The following RAP1GAP2 variants were observed in gnomAD, a reference collection of about 807,000 sequenced individuals.
RAP1GAP2 encodes RAP1 GTPase activating protein 2.
RAP1GAP2 carries 27 observed loss-of-function variants against 95.0 expected under a neutral mutation model. That is an observed-to-expected ratio of 0.28 (90% CI 0.21 to 0.39). The LOEUF (loss-of-function observed/expected upper bound fraction) is 0.39. Ranked by LOEUF, RAP1GAP2 falls within the 10% of genes least tolerant of loss-of-function variation. The pLI, the probability that RAP1GAP2 is intolerant of heterozygous loss-of-function variation, is 1.00. For missense variants in RAP1GAP2, 771 were observed against 970.0 expected (o/e 0.79, Z 2.72); for synonymous variants, 373 against 380.9 (o/e 0.98, Z 0.24).
intron 3 of RAP1GAP2, among the ~76,000 whole-genome samples, chr17:2,918,254 T>C (rs1231930263): frequency 6.6e-6 from 1 of 151,004 alleles, no homozygotes; most frequent in African/African-American, 2.5e-5. Flanking sequence ...GCCAATATGG[T>C]GAAACCTGTT....
At chr17:2,924,625 C>T (rs1029293670) in intron 3 of RAP1GAP2, among the ~76,000 whole-genome samples, 9 of 150,524 alleles carry the variant, frequency 6.0e-5, no homozygotes, top group Non-Finnish European at 1.2e-4. Flanking sequence ...AGGGGGAAAG[C>T]GAATGAGATG....
intron 2 of RAP1GAP2, among the ~76,000 whole-genome samples, chr17:2,821,965 C>T (rs1199324970): frequency 2.0e-5 from 3 of 152,118 alleles, no homozygotes; most frequent in African/African-American, 7.2e-5. Context: ...TCCCTGGACC[C>T]CCAGGCCAGA....
intron 3 of RAP1GAP2, among the ~76,000 whole-genome samples, chr17:2,940,092 G>A (rs2043439141): frequency 6.6e-6 from 1 of 152,210 alleles, no homozygotes; most frequent in African/African-American, 2.4e-5. Context: ...AGTGTCCCTG[G>A]GCTGTGGAGG....
intron 8 of RAP1GAP2, among the ~76,000 whole-genome samples, chr17:2,967,113 A>G (rs563304578): frequency 6.6e-6 from 1 of 152,334 alleles, no homozygotes; most frequent in East Asian, 1.9e-4. Flanking sequence ...TCACGCCTGT[A>G]ATCCCAGGAC....
intron 1 of RAP1GAP2, among the ~76,000 whole-genome samples, chr17:2,761,490 G>A (rs555130459): frequency 3.4e-4 from 51 of 151,748 alleles, no homozygotes; most frequent in Admixed American, 4.6e-4. Context: ...GTTTCTCCAC[G>A]TTGGCCAGGC....
chr17:2,844,139 G>A (rs2071483062), intron 2 of RAP1GAP2, among the ~76,000 whole-genome samples: 1 of 152,020 alleles, frequency 6.6e-6, no homozygotes, highest in African/African-American at 2.4e-5. Flanking sequence ...TCCTGCCTCA[G>A]CCTCCGGAGT....
intron 1 of RAP1GAP2, among the ~76,000 whole-genome samples, chr17:2,765,634 T>G (rs1179883852): frequency 6.6e-6 from 1 of 151,814 alleles, no homozygotes; most frequent in Non-Finnish European, 1.5e-5. Flanking sequence ...TCCCAGCTAC[T>G]TGGGAGGCTG....
chr17:2,926,850 C>CA (rs1018851563), intron 3 of RAP1GAP2, among the ~76,000 whole-genome samples: 31 of 151,454 alleles, frequency 2.0e-4, no homozygotes, highest in Non-Finnish European at 2.9e-4. Flanking sequence ...ACTAAAAATA[C>CA]AAAAAATACT....
At chr17:2,788,688 T>C (rs1055041249) in intron 1 of RAP1GAP2, among the ~76,000 whole-genome samples, 1 of 152,210 alleles carries the variant, frequency 6.6e-6, no homozygotes, top group Non-Finnish European at 1.5e-5. Flanking sequence ...GCTGGTGGTA[T>C]GTTCTAGTCC....
At chr17:3,011,988 C>T (rs530042711) in intron 17 of RAP1GAP2, among the ~76,000 whole-genome samples, 1 of 152,280 alleles carries the variant, frequency 6.6e-6, no homozygotes, top group South Asian at 2.1e-4. Context: ...AAAGCCATCT[C>T]AGCCATCCAT....
intron 1 of RAP1GAP2, among the ~76,000 whole-genome samples, chr17:2,779,950 G>A (rs2068600831): frequency 6.6e-6 from 1 of 151,996 alleles, no homozygotes; most frequent in Non-Finnish European, 1.5e-5. Flanking sequence ...GGGATGAGGT[G>A]GCAGGAAGGA....
At chr17:2,757,711 C>T (rs2071171953) in intron 1 of RAP1GAP2, among the ~76,000 whole-genome samples, 1 of 152,078 alleles carries the variant, frequency 6.6e-6, no homozygotes, top group African/African-American at 2.4e-5. Flanking sequence ...AGGACCACCC[C>T]AGCACCCCAG....
chr17:2,989,342 CT>C (rs887320041), intron 11 of RAP1GAP2, among the ~76,000 whole-genome samples: 2 of 151,736 alleles, frequency 1.3e-5, no homozygotes, highest in Non-Finnish European at 2.9e-5. Flanking sequence ...CTGTTCATGT[CT>C]TTTTTTTGAG....
At chr17:2,828,635 C>T (rs548207948) in intron 2 of RAP1GAP2, among the ~76,000 whole-genome samples, 2 of 152,166 alleles carry the variant, frequency 1.3e-5, no homozygotes, top group South Asian at 2.1e-4. Flanking sequence ...CAGGACTGCC[C>T]GGGCATGGCT....
At chr17:2,836,632 A>AAAAAC (rs139693633) in intron 2 of RAP1GAP2, among the ~76,000 whole-genome samples, 22 of 151,946 alleles carry the variant, frequency 1.4e-4, no homozygotes, top group African/African-American at 2.2e-4. Context: ...ACTCAGTCTC[A>AAAAAC]AAAACAAAAC....
intron 11 of RAP1GAP2, among the ~76,000 whole-genome samples, chr17:2,986,799 A>T (rs2045572667): frequency 6.6e-6 from 1 of 152,140 alleles, no homozygotes; most frequent in African/African-American, 2.4e-5. Context: ...CTCAGGCTGG[A>T]TGTGAATCTT....
chr17:2,917,675 A>C (rs374322757), intron 3 of RAP1GAP2, among the ~76,000 whole-genome samples: 2 of 150,246 alleles, frequency 1.3e-5, no homozygotes, highest in African/African-American at 4.9e-5. Context: ...AAAGTGCTGG[A>C]ATTACAGGTG....
At chr17:2,826,008 T>G (rs1270368061) in intron 2 of RAP1GAP2, among the ~76,000 whole-genome samples, 1 of 144,088 alleles carries the variant, frequency 6.9e-6, no homozygotes, top group African/African-American at 2.6e-5. Context: ...TGAGACGGAG[T>G]CTTGCTCTGT....
At chr17:2,873,755 A>G (rs2072958505) in intron 2 of RAP1GAP2, among the ~76,000 whole-genome samples, 1 of 151,846 alleles carries the variant, frequency 6.6e-6, no homozygotes, top group African/African-American at 2.4e-5. Flanking sequence ...TGTATACTTT[A>G]TTATTTATTT....
Sources: allele counts gnomAD v4.1 joint callset (sites outside exome capture counted in the v4.1 genomes callset), GRCh38; gene constraint gnomAD v4.1.1; transcripts MANE v1.5; gene names NCBI Gene and HGNC (gene_info 2026-07-23, HGNC 2026-07-21).